The following SORCS2 variants were observed in gnomAD, a reference collection of about 807,000 sequenced individuals.
The protein encoded by SORCS2 is VPS10 domain-containing receptor SorCS2.
In SORCS2, 100 loss-of-function variants were observed where a neutral mutation model predicts 141.6. That is an observed-to-expected ratio of 0.71 (90% confidence interval 0.60 to 0.83). The LOEUF is 0.83. Among genes scored for constraint, SORCS2 ranks in the 40% least tolerant of loss-of-function variants. The pLI, the probability that SORCS2 is intolerant of heterozygous loss-of-function variation, is 0.00. For synonymous variants in SORCS2, 789 were observed against 676.9 expected (o/e 1.17, Z -2.57); for missense variants, 1,646 against 1,560.2 (o/e 1.05, Z -0.93).
At chr4:7,674,750 C>G (rs1255275776) in intron 8 of SORCS2, among the ~76,000 whole-genome samples, 1 of 151,788 alleles carries the variant, frequency 6.6e-6, no homozygotes, top group East Asian at 1.9e-4. Context: ...TCCTCATTCT[C>G]CACTGAAAAC....
chr4:7,323,864 C>T (rs114931359), intron 1 of SORCS2, among the ~76,000 whole-genome samples: 105 of 152,126 alleles, frequency 6.9e-4, no homozygotes, highest in African/African-American at 2.4e-3. Flanking sequence ...GAGCTGGGCA[C>T]GTCATTCCAG....
At chr4:7,340,858 C>G (rs754564515) in intron 1 of SORCS2, among the ~76,000 whole-genome samples, 7 of 152,228 alleles carry the variant, frequency 4.6e-5, no homozygotes, top group Non-Finnish European at 8.8e-5. Flanking sequence ...GATCAAAGGT[C>G]GGCTTTACTA....
chr4:7,398,522 C>T lies in SORCS2; in HGVS notation c.548+2167C>T, dbSNP rs113776537. 3.8e-3 allele frequency among the ~76,000 whole-genome samples: 578 copies of T among 152,310 alleles called. 2 individuals carry two copies. Among genetic ancestry groups the T allele is most frequent in the African/African-American group, 0.011 (477 of 41,580 alleles). On this transcript the variant is annotated intron_variant, in intron 2 of 26. Transcript: ENST00000507866. ...CTGTCTCTATACCCAGATGTTTCTT[C>T]GCCTTTATTAAAAATGCTTGCAGAG...
chr4:7,410,297 G>T (rs1725218316), intron 2 of SORCS2, among the ~76,000 whole-genome samples: 1 of 152,210 alleles, frequency 6.6e-6, no homozygotes, highest in African/African-American at 2.4e-5. Context: ...GATATGCTTT[G>T]CCCTTTGGTC....
chr4:7,575,685 T>C (rs1039104018), intron 3 of SORCS2, among the ~76,000 whole-genome samples: 4 of 152,238 alleles, frequency 2.6e-5, no homozygotes, highest in African/African-American at 9.6e-5. Flanking sequence ...CACACGTGGC[T>C]GGGAGCCGCT....
intron 3 of SORCS2, among the ~76,000 whole-genome samples, chr4:7,577,601 A>G (rs1715838882): frequency 6.7e-6 from 1 of 148,186 alleles, no homozygotes; most frequent in Non-Finnish European, 1.5e-5. Flanking sequence ...AGCTAGTGCC[A>G]TGGTTTGGAG....
At chr4:7,272,109 CT>C (rs912369905) in intron 1 of SORCS2, among the ~76,000 whole-genome samples, 23 of 152,300 alleles carry the variant, frequency 1.5e-4, no homozygotes, top group African/African-American at 5.3e-4. Context: ...TCTTGGATAA[CT>C]TTGATTAACC....
At chr4:7,361,329 A>AC (rs1721566496) in intron 1 of SORCS2, among the ~76,000 whole-genome samples, 1 of 151,914 alleles carries the variant, frequency 6.6e-6, no homozygotes, top group Non-Finnish European at 1.5e-5. Context: ...CATTAATGTC[A>AC]CCCCTTGACA....
At chr4:7,725,519 C>T (rs2285776) in intron 20 of SORCS2, among the ~76,000 whole-genome samples, 34,834 of 152,172 alleles carry the variant, frequency 0.23, 4,298 homozygotes, top group Admixed American at 0.38. Context: ...TGCCTTTTCC[C>T]GGGAAAGAGA....
chr4:7,543,429 GTCCA>G (rs1712855468), intron 3 of SORCS2, among the ~76,000 whole-genome samples: 5 of 85,684 alleles, frequency 5.8e-5, no homozygotes, highest in Admixed American at 2.1e-4. Flanking sequence ...CCATCCATCC[GTCCA>G]TCCATCCACT....
At chr4:7,609,056 A>G (rs1032014891) in intron 3 of SORCS2, among the ~76,000 whole-genome samples, 2 of 152,070 alleles carry the variant, frequency 1.3e-5, no homozygotes, top group Non-Finnish European at 2.9e-5. Context: ...AGGCAGTCCC[A>G]CTAAAAGCAC....
intron 3 of SORCS2, among the ~76,000 whole-genome samples, chr4:7,535,193 C>T (rs1056161036): frequency 7.9e-5 from 12 of 152,212 alleles, no homozygotes; most frequent in Admixed American, 1.3e-4. Context: ...GATCTCTCTC[C>T]GGAAGGCCAT....
intron 1 of SORCS2, among the ~76,000 whole-genome samples, chr4:7,345,015 G>A (rs1331647569): frequency 6.6e-6 from 1 of 151,994 alleles, no homozygotes; most frequent in East Asian, 1.9e-4. Flanking sequence ...TCGGCCTGTT[G>A]TCCCTCCTGC....
intron 1 of SORCS2, among the ~76,000 whole-genome samples, chr4:7,269,473 AG>A (rs1714975868): frequency 6.6e-6 from 1 of 152,240 alleles, no homozygotes; most frequent in Admixed American, 6.5e-5. Context: ...GATGGAATCC[AG>A]TGAAGGATCT....
chr4:7,490,370 G>T (rs1335191861), intron 2 of SORCS2, among the ~76,000 whole-genome samples: 1 of 152,118 alleles, frequency 6.6e-6, no homozygotes, highest in Non-Finnish European at 1.5e-5. Flanking sequence ...GCTGTCAAGG[G>T]CAGCCTTCCT....
At chr4:7,406,316 T>A (rs948908358) in intron 2 of SORCS2, among the ~76,000 whole-genome samples, 2 of 151,854 alleles carry the variant, frequency 1.3e-5, no homozygotes, top group South Asian at 2.1e-4. Context: ...TTGGTATCAG[T>A]TCTTCTTTAA....
At chr4:7,517,958 C>T (rs764117629) in intron 2 of SORCS2, among the ~76,000 whole-genome samples, 9 of 152,176 alleles carry the variant, frequency 5.9e-5, no homozygotes, top group East Asian at 1.9e-4. Flanking sequence ...ACACGCTGGA[C>T]GGAATATTAC....
chr4:7,715,382 C>A, intron 17 of SORCS2, 71 bp downstream of exon 17: 1 of 1,580,444 alleles, frequency 6.3e-7, no homozygotes, highest in Non-Finnish European at 8.6e-7. Context: ...CGAAACCACG[C>A]CTTCCTGGCT....
intron 2 of SORCS2, among the ~76,000 whole-genome samples, chr4:7,412,243 C>T (rs1303618350): frequency 1.3e-5 from 2 of 152,234 alleles, no homozygotes; most frequent in African/African-American, 4.8e-5. Flanking sequence ...CTGCATCCTG[C>T]TCACTCGGCC....
Sources: gnomAD v4.1 joint callset for allele counts (sites outside exome capture counted in the v4.1 genomes callset) on GRCh38, gnomAD v4.1.1 for gene constraint, MANE v1.5 for transcripts, NCBI Gene and HGNC (gene_info 2026-07-23, HGNC 2026-07-21) for gene names.